Variants in CLEC12A observed in about 807,000 individuals in gnomAD.
CLEC12A encodes the protein C-type lectin domain family 12 member A.
CLEC12A carries 22 observed loss-of-function variants against 26.5 expected under a neutral mutation model. The observed-to-expected ratio is 0.83, with a 90% CI of 0.59 to 1.19. The LOEUF (loss-of-function observed/expected upper bound fraction) is 1.19. Among genes scored for constraint, CLEC12A ranks in the 50% most tolerant of loss-of-function variants. CLEC12A has a pLI of 0.00. For synonymous variants in CLEC12A, 119 were observed against 101.9 expected (o/e 1.17, Z -1.01); for missense variants, 353 against 315.6 (o/e 1.12, Z -0.90).
upstream of CLEC12A, among the ~76,000 whole-genome samples, chr12:9,970,244 A>G (rs1864078844): frequency 6.6e-6 from 1 of 152,024 alleles, no homozygotes; most frequent in South Asian, 2.1e-4. Flanking sequence ...CAATAGTTTT[A>G]AAATTTTTTT....
the CLEC12A span, among the ~76,000 whole-genome samples, chr12:10,002,317 T>G: frequency 2.0e-4 from 31 of 152,206 alleles, no homozygotes; most frequent in Non-Finnish European, 4.1e-4. Flanking sequence ...GTTAATTATG[T>G]TTCAGACACT....
the CLEC12A span, among the ~76,000 whole-genome samples, chr12:10,001,764 C>G: frequency 6.6e-6 from 1 of 152,264 alleles, no homozygotes; most frequent in African/African-American, 2.4e-5. Flanking sequence ...TTTTAATCAC[C>G]CTCCAAGTCC....
the CLEC12A span, among the ~76,000 whole-genome samples, chr12:10,000,897 C>G: frequency 6.6e-6 from 1 of 151,930 alleles, no homozygotes; most frequent in Non-Finnish European, 1.5e-5. Context: ...GTTTTGTTAC[C>G]TAAAATATAC....
At chr12:10,000,162 A>G (rs542709087), downstream of CLEC12A, among the ~76,000 whole-genome samples, 7 of 152,322 alleles carry the variant, frequency 4.6e-5, no homozygotes, top group Non-Finnish European at 1.0e-4. Flanking sequence ...GTAGGCATTT[A>G]CCTTATAAAT....
intron 4 of CLEC12A, among the ~76,000 whole-genome samples, chr12:9,981,618 C>A (rs1007276610): frequency 2.0e-5 from 3 of 152,126 alleles, no homozygotes; most frequent in Non-Finnish European, 4.4e-5. Flanking sequence ...GTTCTGTAAC[C>A]ACTCACATCT....
At chr12:9,984,799 T>C in intron 5 of CLEC12A, 71 bp from the exon 6 acceptor site, 2 of 1,314,268 alleles carry the variant, frequency 1.5e-6, no homozygotes, top group Non-Finnish European at 2.0e-6. Context: ...GTTGGAAGTG[T>C]AATTTTTTTT....
At position 9,971,445 on chromosome 12, in the gene CLEC12A, G is replaced by T. The variant is rs199772283; in HGVS notation, c.-152G>T. The T allele has an allele frequency of 1.8e-5, 24 of 1,360,114 alleles. No individual in the cohort carries two copies. The South Asian group carries it at 2.9e-4, about 17-fold the overall frequency. 84.3% of individuals were successfully genotyped at this position (1,360,114 alleles called of 1,614,324 possible). A position where few individuals can be genotyped will look rare whatever the true frequency, so the allele number is the denominator to read the frequency against. On this transcript the variant is annotated 5_prime_UTR_variant, in exon 1 of 6. It adds an upstream start codon to the 5' untranslated region. Transcript: ENST00000304361. ...AGACATATGGGTGATTGGTACAGTA[G>T]GTTTATAAACAGAAGTTTAAACTTG...
chr12:10,004,251 C>T, the CLEC12A span, among the ~76,000 whole-genome samples: 1 of 152,204 alleles, frequency 6.6e-6, no homozygotes, highest in African/African-American at 2.4e-5. Flanking sequence ...CTCAGTGCCT[C>T]CCCGGCCTTT....
At chr12:9,963,563 C>T (rs556300) in intron 1 of CLEC12A, among the ~76,000 whole-genome samples, 126,731 of 151,684 alleles carry the variant, frequency 0.84, 53,473 homozygotes, top group Middle Eastern at 0.91. Context: ...AACTGATAAG[C>T]AAGGGAATTA....
At chr12:9,983,597 A>G (rs1002452451) in intron 5 of CLEC12A, 9 of 671,722 alleles carry the variant, frequency 1.3e-5, no homozygotes, top group Non-Finnish European at 2.4e-5. Flanking sequence ...CCATCATTTA[A>G]CACGTTTTTA....
chr12:9,980,379 T>A (rs623728), intron 3 of CLEC12A, among the ~76,000 whole-genome samples: 85,838 of 149,458 alleles, frequency 0.57, 25,075 homozygotes, highest in East Asian at 0.84. Context: ...TGGAGGCTGC[T>A]GTGAGCTGAG....
intron 4 of CLEC12A, among the ~76,000 whole-genome samples, chr12:9,981,606 C>G (rs1402883156): frequency 1.3e-5 from 2 of 152,104 alleles, no homozygotes; most frequent in African/African-American, 2.4e-5. Context: ...GTTCTGAATT[C>G]TGTTCTGTAA....
chr12:9,979,201 C>T, intron 2 of CLEC12A, 135 bp from the exon 3 acceptor site: 1 of 959,136 alleles, frequency 1.0e-6, no homozygotes, highest in South Asian at 1.5e-5. Flanking sequence ...CAATGTGGAA[C>T]TTAGTCTCTT....
downstream of CLEC12A, among the ~76,000 whole-genome samples, chr12:9,998,736 C>A (rs1454916936): frequency 3.3e-5 from 5 of 152,288 alleles, no homozygotes; most frequent in Non-Finnish European, 5.9e-5. Context: ...GAATCACACT[C>A]ATTTGCTCAC....
At chr12:9,993,233 A>G in intron 4 of CLEC12A, 1 of 1,612,914 alleles carries the variant, frequency 6.2e-7, no homozygotes, top group Non-Finnish European at 8.5e-7. Context: ...GCATTTTCCC[A>G]TTATGAAAAT....
upstream of CLEC12A, among the ~76,000 whole-genome samples, chr12:9,970,672 G>A (rs1440477032): frequency 9.3e-6 from 1 of 107,122 alleles, no homozygotes; most frequent in Non-Finnish European, 2.0e-5. Flanking sequence ...GCTTAGCTGA[G>A]GAGGAGATCA....
chr12:9,997,340 T>C, downstream of CLEC12A: 1 of 1,467,364 alleles, frequency 6.8e-7, no homozygotes, highest in Middle Eastern at 1.8e-4. Flanking sequence ...GATGCAAAGG[T>C]CTGTCATTGA....
At chr12:9,965,437 C>A (rs1055859517) in intron 1 of CLEC12A, among the ~76,000 whole-genome samples, 2 of 151,022 alleles carry the variant, frequency 1.3e-5, no homozygotes, top group Admixed American at 6.6e-5. Flanking sequence ...GTCTGTGAAG[C>A]CTTGCGGCAA....
downstream of CLEC12A, chr12:9,998,200 C>T: frequency 9.8e-7 from 1 of 1,023,874 alleles, no homozygotes; most frequent in Non-Finnish European, 1.5e-6. Context: ...AAATAGCGAC[C>T]ATTGAGAAGC....
Sources: allele counts gnomAD v4.1 joint callset (sites outside exome capture counted in the v4.1 genomes callset), GRCh38; gene constraint gnomAD v4.1.1; transcripts MANE v1.5; gene names NCBI Gene and HGNC (gene_info 2026-07-23, HGNC 2026-07-21).